Variants in MAP4K5 observed in about 807,000 individuals in gnomAD.
The protein encoded by MAP4K5 is mitogen-activated protein kinase kinase kinase kinase 5.
In MAP4K5, 82 loss-of-function variants were observed where a neutral mutation model predicts 135.6. The observed-to-expected ratio is 0.60, with a 90% confidence interval of 0.51 to 0.73. The LOEUF is 0.73. Among genes scored for constraint, MAP4K5 ranks in the 30% least tolerant of loss-of-function variants. The pLI is 0.00. For missense variants in MAP4K5, 907 were observed against 1,010.9 expected (o/e 0.90, Z 1.39); for synonymous variants, 347 against 335.0 (o/e 1.04, Z -0.39).
chr14:50,485,720 G>A (rs1246238193), intron 4 of MAP4K5, 78 bp from the exon 5 acceptor site: 6 of 849,896 alleles, frequency 7.1e-6, no homozygotes, highest in Non-Finnish European at 9.5e-6. Flanking sequence ...TCACTCTTTA[G>A]CACACCAGGG....
At chr14:50,530,816 A>T (rs992106419) in intron 2 of MAP4K5, among the ~76,000 whole-genome samples, 2 of 10,708 alleles carry the variant, frequency 1.9e-4, no homozygotes, top group African/African-American at 5.6e-4. Flanking sequence ...AGAATCAAAC[A>T]GTGCTAGGGC....
intron 30 of MAP4K5, among the ~76,000 whole-genome samples, chr14:50,428,079 A>T (rs2035884949): frequency 6.6e-6 from 1 of 152,238 alleles, no homozygotes; most frequent in South Asian, 2.1e-4. Flanking sequence ...AGGAAACAAT[A>T]AAAGATTTAT....
chr14:50,462,086 T>C (rs2036723210), intron 13 of MAP4K5, among the ~76,000 whole-genome samples: 1 of 152,240 alleles, frequency 6.6e-6, no homozygotes. Context: ...TTAAAATTAT[T>C]TGTATTTTGT....
At chr14:50,507,944 A>G (rs1233331003) in intron 2 of MAP4K5, among the ~76,000 whole-genome samples, 2 of 152,092 alleles carry the variant, frequency 1.3e-5, no homozygotes, top group African/African-American at 2.4e-5. Context: ...TGTTGACAGT[A>G]GGGTGTTAAA....
intron 8 of MAP4K5, 150 bp from the exon 9 acceptor site, chr14:50,475,299 A>G: frequency 1.7e-6 from 1 of 591,316 alleles, no homozygotes. Flanking sequence ...CTTCTTGCTT[A>G]GTTCACAACA....
At chr14:50,426,401 C>G (rs1005206960) in intron 30 of MAP4K5, among the ~76,000 whole-genome samples, 1 of 152,082 alleles carries the variant, frequency 6.6e-6, no homozygotes, top group Non-Finnish European at 1.5e-5. Flanking sequence ...TTTTTATGTT[C>G]ATATTTTCCC....
intron 23 of MAP4K5, 23 bp downstream of exon 23, chr14:50,439,986 GTTTA>G (rs763393718): frequency 6.8e-6 from 10 of 1,466,342 alleles, no homozygotes; most frequent in African/African-American, 2.9e-5. Context: ...CTTATCTATG[GTTTA>G]TTTTTCATCA....
Position 50,546,382 on chromosome 14 carries a change from G to A in MAP4K5, c.-179-3798C>T, listed in dbSNP as rs191881012. Reference sequence around the variant, plus strand: ...AGGTACTGGGTGTGTGTGTGTGTGCGTGTGTGTGTGTGAGAGAGCATACAT... The same window carrying A: ...AGGTACTGGGTGTGTGTGTGTGTGCATGTGTGTGTGTGAGAGAGCATACAT... On this transcript the variant is annotated intron_variant, in intron 1 of 8. Transcript: ENST00000555216. Among the ~76,000 whole-genome samples the A allele has an allele frequency of 7.6e-4, 115 of 151,252 alleles. No individual in the cohort carries two copies. In the Middle Eastern group the frequency reaches 0.014, roughly 18 times the overall value.
intron 3 of MAP4K5, among the ~76,000 whole-genome samples, chr14:50,488,362 G>T (rs1432436103): frequency 6.6e-6 from 1 of 152,082 alleles, no homozygotes; most frequent in Non-Finnish European, 1.5e-5. Flanking sequence ...GATGAGATTT[G>T]GGTGGGGACA....
At chr14:50,436,210 T>A (rs2095658434) in intron 26 of MAP4K5, among the ~76,000 whole-genome samples, 2 of 152,166 alleles carry the variant, frequency 1.3e-5, no homozygotes, top group Non-Finnish European at 2.9e-5. Flanking sequence ...ATCAGTATTA[T>A]GGAGTTGTTT....
At chr14:50,458,679 G>C (rs10873034) in intron 13 of MAP4K5, among the ~76,000 whole-genome samples, 148,791 of 152,288 alleles carry the variant, frequency 0.98, 72,788 homozygotes, top group East Asian at 1. Context: ...TGGGAGAAAT[G>C]TCAGGTTTTG....
At chr14:50,520,808 C>T (rs1308958031) in intron 2 of MAP4K5, among the ~76,000 whole-genome samples, 1 of 147,326 alleles carries the variant, frequency 6.8e-6, no homozygotes, top group Non-Finnish European at 1.5e-5. Flanking sequence ...AGGTGGCTAT[C>T]GGCAAAGTCA....
intron 1 of MAP4K5, among the ~76,000 whole-genome samples, chr14:50,553,429 A>G (rs2038727277): frequency 6.6e-6 from 1 of 151,668 alleles, no homozygotes; most frequent in African/African-American, 2.4e-5. Context: ...AGGAATGGCC[A>G]TAATTTAAAA....
chr14:50,524,582 T>C (rs1293532589), intron 2 of MAP4K5, among the ~76,000 whole-genome samples: 1 of 151,592 alleles, frequency 6.6e-6, no homozygotes, highest in Admixed American at 6.6e-5. Context: ...AGCTGCTAGG[T>C]GTGACCTACT....
intron 1 of MAP4K5, among the ~76,000 whole-genome samples, chr14:50,544,734 G>C (rs1266644648): frequency 6.6e-6 from 1 of 151,994 alleles, no homozygotes; most frequent in Non-Finnish European, 1.5e-5. Context: ...GGGAGTTTGA[G>C]ACCAGCCTGG....
intron 21 of MAP4K5, among the ~76,000 whole-genome samples, chr14:50,440,647 C>T (rs1490634826): frequency 6.6e-6 from 1 of 152,110 alleles, no homozygotes; most frequent in Non-Finnish European, 1.5e-5. Flanking sequence ...CTATGTTAGA[C>T]TAACTCACTC....
chr14:50,539,921 T>C (rs150917322), intron 2 of MAP4K5, among the ~76,000 whole-genome samples: 4 of 152,362 alleles, frequency 2.6e-5, no homozygotes, highest in African/African-American at 9.6e-5. Context: ...AGATGGGATG[T>C]TGGATTTGCT....
At chr14:50,498,422 G>A (rs1035957733) in intron 3 of MAP4K5, among the ~76,000 whole-genome samples, 4 of 152,092 alleles carry the variant, frequency 2.6e-5, no homozygotes, top group Non-Finnish European at 5.9e-5. Context: ...TATATACAAA[G>A]AGCAACAAGA....
chr14:50,505,579 A>G lies in MAP4K5; in HGVS notation c.109-722T>C, dbSNP rs371218481. Among the ~76,000 whole-genome samples the G allele has an allele frequency of 3.3e-5, 5 of 152,316 alleles. No homozygotes were observed. The South Asian group carries it at 1.0e-3, about 32-fold the overall frequency. On this transcript the variant is annotated intron_variant, in intron 2 of 32. Transcript: ENST00000682126. ...CTTACTATAATTAGCACTGCAATGA[A>G]TATCATTACCAATATTTTACCATAG... is the stretch of plus-strand genomic sequence containing the variant.
Sources: allele counts gnomAD v4.1 joint callset (sites outside exome capture counted in the v4.1 genomes callset), GRCh38; gene constraint gnomAD v4.1.1; transcripts MANE v1.5; gene names NCBI Gene and HGNC (gene_info 2026-07-23, HGNC 2026-07-21).